Variants in ST7 observed in about 807,000 individuals in gnomAD.
ST7 encodes suppressor of tumorigenicity 7 protein.
A neutral mutation model predicts 78.7 loss-of-function variants in ST7; 28 were observed. The observed-to-expected ratio is 0.36, with a 90% CI of 0.26 to 0.49. The LOEUF (loss-of-function observed/expected upper bound fraction) is 0.49. Among genes scored for constraint, ST7 ranks in the 20% least tolerant of loss-of-function variants. ST7 has a pLI of 0.99. For missense variants in ST7, 418 were observed against 696.0 expected, an observed-to-expected ratio of 0.60 and a Z score of 4.49; for synonymous variants, 247 against 249.6, an observed-to-expected ratio of 0.99 and a Z score of 0.10.
chr7:117,056,206 C>A (rs1167289192), intron 1 of ST7, among the ~76,000 whole-genome samples: 1 of 152,164 alleles, frequency 6.6e-6, no homozygotes, highest in Non-Finnish European at 1.5e-5. Flanking sequence ...TCCTTCAATC[C>A]AACCAAGTTG....
In ST7 at chr7:117,063,312, A is replaced by G. The variant is rs541296057; in HGVS notation, c.152-36450A>G. 2.9e-4 allele frequency among the ~76,000 whole-genome samples: 44 copies of G among 152,342 alleles called. 1 individual carries two copies. The South Asian group carries it at 8.7e-3, about 30-fold the overall frequency. On this transcript the variant is annotated intron_variant, in intron 1 of 15. Transcript: ENST00000323984. ...TCTTTTTTTGCTTTAAGCCCAGGAC[A>G]AAGATTAAATGTTTTCACAATGATA...
At chr7:117,226,139 G>T (rs1313048592) in intron 15 of ST7, among the ~76,000 whole-genome samples, 1 of 152,128 alleles carries the variant, frequency 6.6e-6, no homozygotes, top group African/African-American at 2.4e-5. Flanking sequence ...ACCGTGAAAT[G>T]TCAATTGTCT....
At chr7:116,975,045 T>C (rs1023313092) in intron 1 of ST7, among the ~76,000 whole-genome samples, 2 of 152,234 alleles carry the variant, frequency 1.3e-5, no homozygotes, top group African/African-American at 4.8e-5. Context: ...TCCATTTTCA[T>C]ACTGCTGTGA....
Position 117,219,536 on chromosome 7 carries a change from C to T in ST7, c.1498+360C>T, listed in dbSNP as rs898497055. Reference sequence around the variant, plus strand: ...TCAGCTGGACAGATGTGGTCTGCACCGACCGGAGTTTGAAGAGGAGCTGCT... The same window carrying T: ...TCAGCTGGACAGATGTGGTCTGCACTGACCGGAGTTTGAAGAGGAGCTGCT... On this transcript the variant is annotated intron_variant, in intron 14 of 15. Transcript: ENST00000323984. The surrounding 1 kb of genome is among the most constrained non-coding windows in gnomAD (Gnocchi z 5.1). Among the ~76,000 whole-genome samples, 2 of 152,118 alleles carry T rather than the reference C, an allele frequency of 1.3e-5. No homozygotes were observed. Among genetic ancestry groups the T allele is most frequent in the Non-Finnish European group, 2.9e-5 (2 of 68,018 alleles).
chr7:117,054,152 G>C (rs1362897947), intron 1 of ST7, among the ~76,000 whole-genome samples: 1 of 152,048 alleles, frequency 6.6e-6, no homozygotes, highest in Non-Finnish European at 1.5e-5. Context: ...AGACAGTTTT[G>C]ACCTTAGCTA....
chr7:117,073,541 G>C (rs1358960719), intron 1 of ST7, among the ~76,000 whole-genome samples: 1 of 152,208 alleles, frequency 6.6e-6, no homozygotes, highest in Non-Finnish European at 1.5e-5. Context: ...AAAAGAGGCA[G>C]CTTGTTGTGG....
chr7:117,093,047 G>C (rs1001265480), intron 1 of ST7, among the ~76,000 whole-genome samples: 1 of 152,124 alleles, frequency 6.6e-6, no homozygotes, highest in African/African-American at 2.4e-5. Flanking sequence ...TTGTTCCCAC[G>C]GTATCTGGTA....
chr7:117,122,149 T>C lies in ST7; in HGVS notation c.394+2429T>C, dbSNP rs1042561293. Among the ~76,000 whole-genome samples, 8 of 152,154 alleles carry C rather than the reference T, an allele frequency of 5.3e-5. No homozygotes were observed. The South Asian group carries it at 1.0e-3, about 20-fold the overall frequency. On this transcript the variant is annotated intron_variant, in intron 3 of 15. Transcript: ENST00000323984. Reference sequence around the variant, plus strand: ...ATGAATAAGGGAAAAGGGAGACTTGTAGGCAGAGCATCATGAGAAACATGG... The same window carrying C: ...ATGAATAAGGGAAAAGGGAGACTTGCAGGCAGAGCATCATGAGAAACATGG...
rs1003747101 is a variant in ST7 at position 117,217,305 on chromosome 7, A to C, written c.1406-1779A>C. On this transcript the variant is annotated intron_variant, in intron 13 of 15. Transcript: ENST00000323984. ...GGATTTGGGAAAAAAAAAAACAAAA[A>C]AAAAAACTTCCCACGTAGGTTTTTC... is the stretch of plus-strand genomic sequence containing the variant. Among the ~76,000 whole-genome samples the C allele has an allele frequency of 9.0e-4, 137 of 152,110 alleles. 1 individual carries two copies. The highest frequency in any genetic ancestry group is 3.3e-3 in the African/African-American group (135 of 41,476).
At chr7:117,030,372 A>G (rs1052134357) in intron 1 of ST7, among the ~76,000 whole-genome samples, 5 of 152,202 alleles carry the variant, frequency 3.3e-5, no homozygotes, top group African/African-American at 1.2e-4. Context: ...TGGAGGAATT[A>G]TTTGCACTTG....
At chr7:117,152,587 G>A (rs754670788) in intron 9 of ST7, among the ~76,000 whole-genome samples, 7 of 152,118 alleles carry the variant, frequency 4.6e-5, no homozygotes, top group Middle Eastern at 3.4e-3. Flanking sequence ...TCTCTCCTTC[G>A]ACACCATTTT....
chr7:117,221,831 C>T (rs1157694230), intron 14 of ST7, 92 bp from the exon 15 acceptor site: 2 of 1,377,414 alleles, frequency 1.5e-6, no homozygotes, highest in Non-Finnish European at 1.9e-6. Context: ...CCAACTCTTT[C>T]CCAAGCTCTG....
intron 9 of ST7, among the ~76,000 whole-genome samples, chr7:117,158,756 T>G (rs982670144): frequency 1.3e-5 from 2 of 152,224 alleles, no homozygotes; most frequent in African/African-American, 4.8e-5. Context: ...CAATTCATTC[T>G]TCTGTTCATG....
At chr7:117,111,225 T>C (rs1328095365) in intron 2 of ST7, among the ~76,000 whole-genome samples, 2 of 152,070 alleles carry the variant, frequency 1.3e-5, no homozygotes, top group Non-Finnish European at 2.9e-5. Flanking sequence ...CTCTGCAAAA[T>C]AGTTGTGTGC....
At chr7:117,213,411 CAA>C (rs544337435) in intron 13 of ST7, among the ~76,000 whole-genome samples, 8 of 152,058 alleles carry the variant, frequency 5.3e-5, no homozygotes, top group African/African-American at 1.9e-4. Flanking sequence ...AGATTTAAAA[CAA>C]ATTCTTAGTT....
At chr7:117,025,166 T>G (rs551604391) in intron 1 of ST7, among the ~76,000 whole-genome samples, 8 of 152,206 alleles carry the variant, frequency 5.3e-5, no homozygotes, top group Non-Finnish European at 1.2e-4. Context: ...TGTTGGTAAC[T>G]GGTCACATGT....
intron 2 of ST7, among the ~76,000 whole-genome samples, chr7:117,109,551 TA>T (rs1177633595): frequency 1.3e-5 from 2 of 152,008 alleles, no homozygotes; most frequent in Non-Finnish European, 1.5e-5. Flanking sequence ...AAATGGTAAT[TA>T]AAAAGTTACC....
At chr7:116,962,233 G>A (rs1421124743) in intron 1 of ST7, among the ~76,000 whole-genome samples, 3 of 152,156 alleles carry the variant, frequency 2.0e-5, no homozygotes, top group Non-Finnish European at 4.4e-5. Context: ...TGTACATGGT[G>A]CTGCAATAAA....
chr7:117,206,171 T>C (rs181365122), intron 12 of ST7, among the ~76,000 whole-genome samples: 59 of 152,310 alleles, frequency 3.9e-4, no homozygotes, highest in Admixed American at 1.6e-3. Context: ...TAAATCTCTT[T>C]TATAGTCATA....
Sources: gnomAD v4.1 joint callset for allele counts (sites outside exome capture counted in the v4.1 genomes callset) on GRCh38, gnomAD v4.1.1 for gene constraint, Gnocchi (gnomAD v3.1) non-coding constraint, MANE v1.5 for transcripts, NCBI Gene and HGNC (gene_info 2026-07-23, HGNC 2026-07-21) for gene names.